The following CNTNAP2 variants were observed in gnomAD, a reference collection of about 807,000 sequenced individuals.
CNTNAP2 encodes the protein contactin associated protein 2, also known as contactin-associated protein-like 2.
A neutral mutation model predicts 155.2 loss-of-function variants in CNTNAP2; 98 were observed. That is an observed-to-expected ratio of 0.63 (90% confidence interval 0.54 to 0.75). The LOEUF (loss-of-function observed/expected upper bound fraction) is 0.75, where lower values mean the gene tolerates loss of function less well. Ranked by LOEUF, CNTNAP2 falls within the 30% of genes least tolerant of loss-of-function variation. The pLI is 0.00. For missense variants in CNTNAP2, 1,727 were observed against 1,688.1 expected (o/e 1.02, Z -0.40); for synonymous variants, 651 against 631.2 (o/e 1.03, Z -0.47).
Position 146,309,658 on chromosome 7 carries a change from C to T in CNTNAP2, c.97+192685C>T, listed in dbSNP as rs1046226470. 8.2e-4 allele frequency among the ~76,000 whole-genome samples: 124 copies of T among 151,872 alleles called. 1 individual carries two copies. Among genetic ancestry groups the T allele is most frequent in the East Asian group, 1.6e-3 (8 of 5,154 alleles). ...CTTTACTGAAAATACAAAAATTAAT[C>T]GGGCGTGTTGGCGGGCGACTGTAAT... On this transcript the variant is annotated intron_variant, in intron 1 of 23. Coordinates refer to ENST00000361727, the MANE Select transcript of CNTNAP2 (RefSeq NM_014141.6).
chr7:146,919,784 G>C (rs1796464752), intron 3 of CNTNAP2, among the ~76,000 whole-genome samples: 1 of 152,120 alleles, frequency 6.6e-6, no homozygotes, highest in Admixed American at 6.6e-5. Flanking sequence ...AGAGTTCCTT[G>C]ACTGTCCCAT....
At chr7:147,940,215 C>T (rs1164230054) in intron 14 of CNTNAP2, 7 of 144,662 alleles carry the variant, frequency 4.8e-5, no homozygotes, top group African/African-American at 7.6e-5. Flanking sequence ...CGGAGCAGGT[C>T]AAAATTTCCA....
intron 8 of CNTNAP2, among the ~76,000 whole-genome samples, chr7:147,236,262 C>G (rs1193210887): frequency 1.3e-5 from 2 of 152,218 alleles, no homozygotes; most frequent in Admixed American, 1.3e-4. Flanking sequence ...TGCTCAGACT[C>G]TGATACGCTG....
chr7:147,224,608 C>T (rs924285218), intron 8 of CNTNAP2, among the ~76,000 whole-genome samples: 2 of 151,902 alleles, frequency 1.3e-5, no homozygotes, highest in Non-Finnish European at 2.9e-5. Flanking sequence ...ATTAAGAAAC[C>T]TTTAGTTAGA....
intron 3 of CNTNAP2, among the ~76,000 whole-genome samples, chr7:146,881,015 T>A (rs1182925931): frequency 1.3e-5 from 2 of 152,152 alleles, no homozygotes; most frequent in East Asian, 1.9e-4. Flanking sequence ...CTGAGAGATG[T>A]TTATAAGGAA....
At chr7:148,260,063 C>A (rs140950510) in intron 20 of CNTNAP2, among the ~76,000 whole-genome samples, 60 of 152,286 alleles carry the variant, frequency 3.9e-4, no homozygotes, top group African/African-American at 1.4e-3. Context: ...TACACTTAAC[C>A]GTGGCAAATG....
chr7:146,730,451 C>A (rs1209020866), intron 1 of CNTNAP2, among the ~76,000 whole-genome samples: 2 of 152,118 alleles, frequency 1.3e-5, no homozygotes, highest in Non-Finnish European at 2.9e-5. Flanking sequence ...TATAATTGAA[C>A]AGAATTGAGA....
intron 13 of CNTNAP2, among the ~76,000 whole-genome samples, chr7:147,819,573 T>C (rs1798329949): frequency 6.6e-6 from 1 of 152,202 alleles, no homozygotes; most frequent in African/African-American, 2.4e-5. Context: ...CATCATGAAA[T>C]GCAGACTCTA....
chr7:146,868,920 G>T (rs1795254593), intron 3 of CNTNAP2, among the ~76,000 whole-genome samples: 1 of 152,142 alleles, frequency 6.6e-6, no homozygotes, highest in Non-Finnish European at 1.5e-5. Flanking sequence ...TTTGGTCTGA[G>T]ACTATGTGCT....
chr7:148,030,120 T>C (rs1802448316), intron 15 of CNTNAP2, among the ~76,000 whole-genome samples: 1 of 152,190 alleles, frequency 6.6e-6, no homozygotes, highest in South Asian at 2.1e-4. Context: ...TCTGTCTGTG[T>C]TGCTTTCCGG....
chr7:148,191,014 T>C (rs1795195996), intron 18 of CNTNAP2, among the ~76,000 whole-genome samples: 1 of 152,216 alleles, frequency 6.6e-6, no homozygotes, highest in Non-Finnish European at 1.5e-5. Context: ...ACAAGGAAGA[T>C]GAAGAGCTCC....
At chr7:146,951,238 A>G (rs564667389) in intron 3 of CNTNAP2, among the ~76,000 whole-genome samples, 15 of 152,078 alleles carry the variant, frequency 9.9e-5, no homozygotes, top group South Asian at 6.2e-4. Context: ...CTCCCATTCT[A>G]CAGGTTGCCT....
chr7:147,360,670 T>G (rs1013468588), intron 9 of CNTNAP2, among the ~76,000 whole-genome samples: 2 of 152,118 alleles, frequency 1.3e-5, no homozygotes, highest in South Asian at 4.2e-4. Context: ...TCTGTAGATG[T>G]CACACTGTGT....
intron 3 of CNTNAP2, among the ~76,000 whole-genome samples, chr7:146,843,717 T>TTGTAAATTGTAAA (rs1268445686): frequency 2.0e-5 from 3 of 151,584 alleles, no homozygotes; most frequent in African/African-American, 7.3e-5. Context: ...GTGATTAAAA[T>TTGTAAATTGTAAA]TTAGCATTTA....
intron 11 of CNTNAP2, among the ~76,000 whole-genome samples, chr7:147,494,693 A>C (rs1367611711): frequency 6.6e-6 from 1 of 152,102 alleles, no homozygotes; most frequent in Non-Finnish European, 1.5e-5. Flanking sequence ...CCATTTTAAC[A>C]CTTTTGTCAG....
chr7:147,807,683 G>A (rs1034477309), intron 13 of CNTNAP2, among the ~76,000 whole-genome samples: 5 of 152,126 alleles, frequency 3.3e-5, no homozygotes, highest in African/African-American at 1.2e-4. Context: ...CTGTGCATAT[G>A]TGGTTGAGTT....
chr7:147,235,345 G>GGCGTGTGT (rs374435627), intron 8 of CNTNAP2, among the ~76,000 whole-genome samples: 1 of 140,882 alleles, frequency 7.1e-6, no homozygotes, highest in African/African-American at 2.7e-5. Context: ...TGGAGTTTTT[G>GGCGTGTGT]GTGTGTGTGT....
intron 1 of CNTNAP2, among the ~76,000 whole-genome samples, chr7:146,673,789 C>G (rs868714860): frequency 6.6e-6 from 1 of 152,024 alleles, no homozygotes; most frequent in Non-Finnish European, 1.5e-5. Flanking sequence ...TGCTGATTTG[C>G]CCAGGCTGGT....
intron 9 of CNTNAP2, among the ~76,000 whole-genome samples, chr7:147,318,343 G>C (rs1563158573): frequency 6.6e-6 from 1 of 152,164 alleles, no homozygotes; most frequent in Non-Finnish European, 1.5e-5. Context: ...TTGGGAGGCT[G>C]AGGCAGGAGG....
Sources: gnomAD v4.1 joint callset for allele counts (sites outside exome capture counted in the v4.1 genomes callset) on GRCh38, gnomAD v4.1.1 for gene constraint, MANE v1.5 for transcripts, NCBI Gene and HGNC (gene_info 2026-07-23, HGNC 2026-07-21) for gene names.